The following KCNAB1 variants were observed in gnomAD, a reference collection of about 807,000 sequenced individuals.
KCNAB1 encodes voltage-gated potassium channel subunit beta-1.
KCNAB1 carries 35 observed loss-of-function variants against 64.6 expected under a neutral mutation model. The observed-to-expected ratio is 0.54, with a 90% CI of 0.41 to 0.72. KCNAB1 has a LOEUF of 0.72. KCNAB1 is among the 30% of genes least tolerant of loss of function. The pLI, the probability that KCNAB1 is intolerant of heterozygous loss-of-function variation, is 0.00. For synonymous variants in KCNAB1, 177 were observed against 183.8 expected (o/e 0.96, Z 0.30); for missense variants, 401 against 512.9 (o/e 0.78, Z 2.11).
In KCNAB1 at chr3:156,178,311, A is replaced by G. The variant is rs185352388; in HGVS notation, c.275+57425A>G. Among the ~76,000 whole-genome samples, 356 of 152,330 alleles carry G rather than the reference A, an allele frequency of 2.3e-3. 1 individual carries two copies. The highest frequency in any genetic ancestry group is 0.011 in the South Asian group (53 of 4,834). ...CATTTAGAAACTGGGGTTGAGAACTATCAGGCAAGGAGACCTCTACAATGA... is the reference window on the plus strand; with the variant it reads ...CATTTAGAAACTGGGGTTGAGAACTGTCAGGCAAGGAGACCTCTACAATGA... On this transcript the variant is annotated intron_variant, in intron 1 of 13. Transcript: ENST00000490337.
intron 8 of KCNAB1, among the ~76,000 whole-genome samples, chr3:156,487,043 C>G (rs1193231653): frequency 6.6e-6 from 1 of 152,098 alleles, no homozygotes; most frequent in Non-Finnish European, 1.5e-5. Context: ...GCTTGTTACA[C>G]GTTTAAATAC....
intron 1 of KCNAB1, among the ~76,000 whole-genome samples, chr3:156,138,665 A>G (rs928673115): frequency 6.6e-6 from 1 of 152,238 alleles, no homozygotes; most frequent in Non-Finnish European, 1.5e-5. Context: ...CAAAGGAGGA[A>G]GGATCATCAC....
chr3:156,512,789 T>A (rs1559923616), intron 8 of KCNAB1, among the ~76,000 whole-genome samples: 1 of 152,260 alleles, frequency 6.6e-6, no homozygotes. Flanking sequence ...AATAATTTGA[T>A]ATTCTAGAGT....
intron 1 of KCNAB1, among the ~76,000 whole-genome samples, chr3:156,234,221 G>A (rs1198487156): frequency 2.6e-5 from 4 of 152,082 alleles, no homozygotes; most frequent in African/African-American, 7.2e-5. Flanking sequence ...AACCAGGAGA[G>A]GGAGTGTCCT....
intron 1 of KCNAB1, among the ~76,000 whole-genome samples, chr3:156,197,686 C>A (rs893089427): frequency 7.9e-5 from 12 of 152,110 alleles, no homozygotes; most frequent in Admixed American, 7.9e-4. Flanking sequence ...ATTCTTCTCT[C>A]TTTTCTTCTT....
chr3:156,450,107 T>G (rs1259617798), intron 2 of KCNAB1, among the ~76,000 whole-genome samples: 1 of 152,256 alleles, frequency 6.6e-6, no homozygotes, highest in East Asian at 1.9e-4. Flanking sequence ...TTCTCCCATT[T>G]TAGCTTTGTG....
intron 2 of KCNAB1, among the ~76,000 whole-genome samples, chr3:156,428,156 T>C (rs978490335): frequency 2.6e-5 from 4 of 152,274 alleles, no homozygotes; most frequent in African/African-American, 7.2e-5. Flanking sequence ...TGGAATGAGA[T>C]TAACATTTGA....
intron 1 of KCNAB1, among the ~76,000 whole-genome samples, chr3:156,240,886 G>A (rs1403761980): frequency 6.6e-6 from 1 of 152,172 alleles, no homozygotes; most frequent in Non-Finnish European, 1.5e-5. Flanking sequence ...GGCAGTAATC[G>A]AGGGTGCGTT....
At chr3:156,406,532 A>G (rs1714259557) in intron 1 of KCNAB1, among the ~76,000 whole-genome samples, 1 of 152,106 alleles carries the variant, frequency 6.6e-6, no homozygotes, top group African/African-American at 2.4e-5. Context: ...TTGAATAAGA[A>G]CATGTGAGAA....
chr3:156,378,806 C>A (rs1326891398), intron 1 of KCNAB1, among the ~76,000 whole-genome samples: 1 of 152,080 alleles, frequency 6.6e-6, no homozygotes, highest in African/African-American at 2.4e-5. Context: ...TGGCTCCAAG[C>A]CCAGGAACGA....
chr3:156,470,839 T>C (rs1437985185), intron 7 of KCNAB1, among the ~76,000 whole-genome samples: 3 of 152,222 alleles, frequency 2.0e-5, no homozygotes, highest in African/African-American at 7.2e-5. Flanking sequence ...TCTGAACAAA[T>C]GGATTTGCCA....
chr3:156,359,909 T>G (rs1725491939), intron 1 of KCNAB1, among the ~76,000 whole-genome samples: 1 of 152,198 alleles, frequency 6.6e-6, no homozygotes, highest in Non-Finnish European at 1.5e-5. Flanking sequence ...AATCCAAGTT[T>G]GTGTCCTATC....
chr3:156,374,031 C>T (rs986577767), intron 1 of KCNAB1, among the ~76,000 whole-genome samples: 1 of 152,192 alleles, frequency 6.6e-6, no homozygotes, highest in Non-Finnish European at 1.5e-5. Context: ...CTGGACAAGT[C>T]GTTCAATCTC....
At chr3:156,331,198 A>G (rs535959440) in intron 1 of KCNAB1, among the ~76,000 whole-genome samples, 2 of 152,338 alleles carry the variant, frequency 1.3e-5, no homozygotes, top group South Asian at 2.1e-4. Context: ...ATTTAAAACT[A>G]TACTAAGATC....
intron 1 of KCNAB1, chr3:156,143,572 T>G (rs1316283083): frequency 1.2e-3 from 63 of 54,188 alleles, no homozygotes; most frequent in African/African-American, 6.2e-3. Context: ...CATTCTTGTT[T>G]TTTTTTTTTT....
intron 1 of KCNAB1, among the ~76,000 whole-genome samples, chr3:156,213,918 C>T (rs1472666298): frequency 1.3e-5 from 2 of 152,102 alleles, no homozygotes; most frequent in African/African-American, 2.4e-5. Flanking sequence ...GACTTTCAGG[C>T]CCATCCACTG....
At chr3:156,302,559 G>A (rs1274021010) in intron 1 of KCNAB1, among the ~76,000 whole-genome samples, 1 of 152,136 alleles carries the variant, frequency 6.6e-6, no homozygotes, top group African/African-American at 2.4e-5. Flanking sequence ...GATTTTCTCT[G>A]AGTAAGGCTA....
chr3:156,503,512 A>T (rs571216961), intron 8 of KCNAB1, among the ~76,000 whole-genome samples: 13 of 152,352 alleles, frequency 8.5e-5, no homozygotes, highest in African/African-American at 2.4e-4. Flanking sequence ...GGAGAGTTGT[A>T]CAAGGAGTGA....
intron 12 of KCNAB1, 77 bp from the exon 13 acceptor site, chr3:156,531,332 A>C: frequency 9.2e-7 from 1 of 1,082,480 alleles, no homozygotes; most frequent in Middle Eastern, 2.0e-4. Context: ...TGCAACAAAC[A>C]GCTGTAGCAG....
Sources: allele counts gnomAD v4.1 joint callset (sites outside exome capture counted in the v4.1 genomes callset), GRCh38; gene constraint gnomAD v4.1.1; transcripts MANE v1.5; gene names NCBI Gene and HGNC (gene_info 2026-07-23, HGNC 2026-07-21).